CCNH: variants seen among roughly 807,000 people sequenced by gnomAD.
CCNH encodes the protein cyclin-H.
Under a neutral mutation model 41.9 loss-of-function variants are expected in CCNH, and 31 were observed. The observed-to-expected ratio is 0.74, with a 90% CI of 0.56 to 1.00. CCNH has a LOEUF of 1.00. Ranked by LOEUF, CCNH falls within the 50% of genes least tolerant of loss-of-function variation. The probability of loss-of-function intolerance (pLI) is 0.00; values close to 1 mark genes in which losing one functional copy is unlikely to be tolerated. For missense variants in CCNH, 362 were observed against 388.4 expected (o/e 0.93, Z 0.57); for synonymous variants, 138 against 136.1 (o/e 1.01, Z -0.10).
At chr5:87,391,601 T>C (rs1370551839), downstream of CCNH, 2 of 234,714 alleles carry the variant, frequency 8.5e-6, no homozygotes, top group African/African-American at 2.2e-5. Context: ...AGTAAATAGT[T>C]TGAATTCAGT....
intron 9 of CCNH, among the ~76,000 whole-genome samples, chr5:87,334,527 A>G (rs1407634296): frequency 2.0e-5 from 3 of 152,226 alleles, no homozygotes; most frequent in Non-Finnish European, 4.4e-5. Flanking sequence ...TAGCCATCAC[A>G]GTCCATGAGA....
chr5:87,399,760 T>C (rs1763257499), intron 6 of CCNH, among the ~76,000 whole-genome samples: 1 of 152,186 alleles, frequency 6.6e-6, no homozygotes, highest in African/African-American at 2.4e-5. Flanking sequence ...TAATCTAGCA[T>C]TAATTTTTGG....
At chr5:87,396,346 G>A (rs988162904) in intron 7 of CCNH, among the ~76,000 whole-genome samples, 4 of 152,208 alleles carry the variant, frequency 2.6e-5, no homozygotes, top group African/African-American at 9.7e-5. Context: ...ATGTGGCCAG[G>A]TGCAGTGGCT....
At position 87,408,078 on chromosome 5, in the gene CCNH, T is replaced by C. The variant is rs1455993720; in HGVS notation, c.423A>G (p.Glu141=). 3 of 1,612,984 alleles carry C rather than the reference T, an allele frequency of 1.9e-6. No individual in the cohort carries two copies. The African/African-American group carries it at 4.0e-5, about 22-fold the overall frequency. ...ESPLGQEKAL[E]QILEYELLLI... ...GAAGTAGTTCATATTCCAGTATCTG[T>C]TCAAGTGCCTTCTCCTGTCCAAGAG... Residue 141 remains glutamate (E), a synonymous_variant, in exon 4 of 9, where the codon GAA becomes GAG. Coordinates refer to ENST00000256897, the MANE Select transcript of CCNH (RefSeq NM_001239.4).
intron 9 of CCNH, among the ~76,000 whole-genome samples, chr5:87,359,864 G>A (rs921949883): frequency 1.3e-4 from 20 of 152,164 alleles, no homozygotes; most frequent in African/African-American, 4.8e-4. Context: ...ATGTTTTCAT[G>A]TCTAGAAAGG....
At chr5:87,326,492 T>C (rs1033134262) in intron 9 of CCNH, among the ~76,000 whole-genome samples, 1 of 152,182 alleles carries the variant, frequency 6.6e-6, no homozygotes, top group African/African-American at 2.4e-5. Flanking sequence ...TGGGAAGACA[T>C]GTATGTACTT....
chr5:87,338,536 A>ATATATATATTTTTTTTT, intron 9 of CCNH, among the ~76,000 whole-genome samples: 16 of 85,216 alleles, frequency 1.9e-4, no homozygotes, highest in Non-Finnish European at 9.3e-5. Flanking sequence ...TATATATAAA[A>ATATATATATTTTTTTTT]TTTTTTTTTT....
chr5:87,362,477 T>C, intron 9 of CCNH: 1 of 1,457,424 alleles, frequency 6.9e-7, no homozygotes. Context: ...GGCTTTTAAT[T>C]GGTACTTTTA....
chr5:87,337,259 A>G (rs1396062091), intron 9 of CCNH, among the ~76,000 whole-genome samples: 1 of 152,044 alleles, frequency 6.6e-6, no homozygotes, highest in Non-Finnish European at 1.5e-5. Flanking sequence ...GGAGGTTGAA[A>G]ACATCTAGGT....
Position 87,338,536 on chromosome 5 carries a change from A to ATATATATATATATTTT in CCNH, c.*91-19640_*91-19639insAAAATATATATATATA. Among the ~76,000 whole-genome samples the ATATATATATATATTTT allele has an allele frequency of 8.1e-4, 69 of 85,194 alleles. 1 individual carries two copies. Among genetic ancestry groups the ATATATATATATATTTT allele is most frequent in the East Asian group, 2.0e-3 (4 of 2,028 alleles). The allele number at this position is 85,194 out of a possible 152,430, so 55.9% of individuals were successfully genotyped here. ...ATATATATATATATATATATATAAA[A>ATATATATATATATTTT]TTTTTTTTTTTTTTAAGTAGAAATG... On this transcript the variant is annotated intron_variant and NMD_transcript_variant, in intron 9 of 9. Coordinates refer to the CCNH transcript ENST00000645953.
chr5:87,342,162 CTT>C (rs531793273), intron 9 of CCNH, among the ~76,000 whole-genome samples: 11 of 139,726 alleles, frequency 7.9e-5, no homozygotes, highest in Non-Finnish European at 7.9e-5. Context: ...GTTATTTTTT[CTT>C]TTTTTTTTTT....
intron 9 of CCNH, among the ~76,000 whole-genome samples, chr5:87,328,998 A>T (rs1313678953): frequency 6.6e-6 from 1 of 152,166 alleles, no homozygotes; most frequent in Non-Finnish European, 1.5e-5. Context: ...CATAATCAAG[A>T]ATTGACATGT....
chr5:87,396,185 G>A (rs1470404984), intron 7 of CCNH, among the ~76,000 whole-genome samples: 1 of 152,130 alleles, frequency 6.6e-6, no homozygotes, highest in Admixed American at 6.5e-5. Context: ...AAAGTATATG[G>A]GAGGATGTGT....
At chr5:87,373,812 T>A (rs1190903623), downstream of CCNH, among the ~76,000 whole-genome samples, 1 of 152,098 alleles carries the variant, frequency 6.6e-6, no homozygotes, top group East Asian at 1.9e-4. Flanking sequence ...GTAGTGACAG[T>A]TGTTTACTTA....
chr5:87,412,909 G>T lies in CCNH; in HGVS notation c.-115C>A, dbSNP rs1046634216. The T allele has an allele frequency of 6.7e-7, 1 of 1,481,722 alleles. No individual in the cohort carries two copies. 91.8% of individuals were successfully genotyped at this position (1,481,722 alleles called of 1,614,324 possible). A position where few individuals can be genotyped will look rare whatever the true frequency, so the allele number is the denominator to read the frequency against. ...GATCTCGCGGAAGCCTAGGGCGTCC[G>T]GCTAGCCGGCGCTGGCGCGCTGTCG... is the stretch of plus-strand genomic sequence containing the variant. On this transcript the variant is annotated 5_prime_UTR_variant, in exon 1 of 9. Coordinates refer to ENST00000256897, the MANE Select transcript of CCNH (RefSeq NM_001239.4).
At chr5:87,384,119 C>T (rs1022356179) in intron 9 of CCNH, among the ~76,000 whole-genome samples, 7 of 152,034 alleles carry the variant, frequency 4.6e-5, no homozygotes, top group African/African-American at 1.7e-4. Context: ...TTGCTTAGCC[C>T]ATTGCTAGAC....
chr5:87,382,004 T>A (rs1761750586), upstream of CCNH, among the ~76,000 whole-genome samples: 1 of 152,116 alleles, frequency 6.6e-6, no homozygotes, highest in Non-Finnish European at 1.5e-5. Context: ...CATGCTGGAG[T>A]GCAGTGGTGT....
chr5:87,369,975 T>C, intron 9 of CCNH: 1 of 1,230,864 alleles, frequency 8.1e-7, no homozygotes, highest in Admixed American at 1.8e-5. Flanking sequence ...GAATAGAAAA[T>C]GATCGCATTC....
upstream of CCNH, among the ~76,000 whole-genome samples, chr5:87,379,358 G>A (rs1761546385): frequency 6.6e-6 from 1 of 152,150 alleles, no homozygotes; most frequent in Non-Finnish European, 1.5e-5. Context: ...GCTGACACTA[G>A]ATCAGAAGGG....
Sources: allele counts gnomAD v4.1 joint callset (sites outside exome capture counted in the v4.1 genomes callset), GRCh38; gene constraint gnomAD v4.1.1; transcripts MANE v1.5; gene names NCBI Gene and HGNC (gene_info 2026-07-23, HGNC 2026-07-21).